The following CACNA2D3 variants were observed in gnomAD, a reference collection of about 807,000 sequenced individuals.
CACNA2D3 encodes calcium voltage-gated channel auxiliary subunit alpha2delta 3.
In CACNA2D3, 60 loss-of-function variants were observed where a neutral mutation model predicts 160.6. The ratio of observed to expected loss-of-function variants is 0.37; its 90% CI spans 0.30 to 0.46. The LOEUF (loss-of-function observed/expected upper bound fraction) is 0.46, where lower values mean the gene tolerates loss of function less well. Ranked by LOEUF, CACNA2D3 falls within the 20% of genes least tolerant of loss-of-function variation. The probability of loss-of-function intolerance (pLI) is 1.00; values close to 1 mark genes in which losing one functional copy is unlikely to be tolerated. For missense variants in CACNA2D3, 1,205 were observed against 1,365.0 expected, an observed-to-expected ratio of 0.88 and a Z score of 1.85; for synonymous variants, 558 against 492.9, an observed-to-expected ratio of 1.13 and a Z score of -1.75.
chr3:54,898,212 C>T (rs1295168874), intron 26 of CACNA2D3, among the ~76,000 whole-genome samples: 1 of 143,354 alleles, frequency 7.0e-6, no homozygotes, highest in Non-Finnish European at 1.5e-5. Context: ...TCTCTCTCTT[C>T]TCCGCCCCAC....
At chr3:54,592,515 T>C (rs546683246) in intron 9 of CACNA2D3, among the ~76,000 whole-genome samples, 43 of 152,244 alleles carry the variant, frequency 2.8e-4, no homozygotes, top group African/African-American at 9.4e-4. Context: ...AGTTCAAATA[T>C]AGAATTTAAA....
intron 4 of CACNA2D3, among the ~76,000 whole-genome samples, chr3:54,500,025 C>G (rs759361116): frequency 6.6e-6 from 1 of 152,182 alleles, no homozygotes; most frequent in Non-Finnish European, 1.5e-5. Flanking sequence ...TCATCTGTTT[C>G]TCCTTGCAGT....
At chr3:54,408,404 G>A (rs998901012) in intron 4 of CACNA2D3, among the ~76,000 whole-genome samples, 2 of 152,080 alleles carry the variant, frequency 1.3e-5, no homozygotes, top group African/African-American at 4.8e-5. Context: ...TAAATGCCAC[G>A]TAATCAAACT....
chr3:54,302,036 G>A (rs925491478), intron 2 of CACNA2D3, among the ~76,000 whole-genome samples: 5 of 152,196 alleles, frequency 3.3e-5, no homozygotes, highest in Non-Finnish European at 5.9e-5. Context: ...CTTGCCTCAC[G>A]TTGTTACTTT....
chr3:54,720,837 C>G (rs533491724), intron 11 of CACNA2D3, among the ~76,000 whole-genome samples: 4 of 152,160 alleles, frequency 2.6e-5, no homozygotes, highest in Admixed American at 1.3e-4. Flanking sequence ...ATTATTACAT[C>G]TAAATACATA....
intron 2 of CACNA2D3, among the ~76,000 whole-genome samples, chr3:54,222,809 CTG>C (rs1701600664): frequency 6.6e-6 from 1 of 152,080 alleles, no homozygotes; most frequent in African/African-American, 2.4e-5. Flanking sequence ...TTCTGAGTCT[CTG>C]TTTGTGTTTT....
intron 2 of CACNA2D3, among the ~76,000 whole-genome samples, chr3:54,272,585 C>A (rs1444255458): frequency 6.6e-6 from 1 of 152,036 alleles, no homozygotes; most frequent in Non-Finnish European, 1.5e-5. Context: ...GTGATGAGGA[C>A]TCAGGGCTCC....
Position 54,764,341 on chromosome 3 carries a change from T to C in CACNA2D3, c.1370T>C (p.Ile457Thr), listed in dbSNP as rs376801291. The change falls in exon 13 of 38, where the codon ATT (isoleucine) becomes ACT (threonine). Residue 457 changes from isoleucine (I) to threonine (T), a missense_variant. Around this residue, in one of 3 missense-constraint regions of CACNA2D3, gnomAD observed 911 missense variants for 1,002.2 expected, o/e 0.91. Coordinates refer to ENST00000474759, the MANE Select transcript of CACNA2D3 (RefSeq NM_018398.3). Reference protein sequence around the residue: ...EHDVVWTEAYIDSTLPQAQKL... With the variant: ...EHDVVWTEAYTDSTLPQAQKL... ...GATGTGGTGTGGACCGAAGCTTACA[T>C]TGACAGCACTGTGAGTCCACGGGGC... 15 of 1,613,720 alleles carry C rather than the reference T, an allele frequency of 9.3e-6. No homozygotes were observed. Among genetic ancestry groups the C allele is most frequent in the African/African-American group, 6.7e-5 (5 of 74,920 alleles).
chr3:54,716,000 GTTAA>G (rs1024389829), intron 11 of CACNA2D3, among the ~76,000 whole-genome samples: 9 of 152,058 alleles, frequency 5.9e-5, no homozygotes, highest in South Asian at 2.1e-4. Context: ...CGATAGATGT[GTTAA>G]TTAATTTGAT....
chr3:54,566,518 A>G (rs78080745), intron 6 of CACNA2D3, among the ~76,000 whole-genome samples: 1,787 of 152,256 alleles, frequency 0.012, 39 homozygotes, highest in African/African-American at 0.041. Context: ...GTTCTGGCCA[A>G]TTCTTAGCTT....
intron 11 of CACNA2D3, among the ~76,000 whole-genome samples, chr3:54,706,202 G>A (rs1700855143): frequency 6.6e-6 from 1 of 152,210 alleles, no homozygotes; most frequent in Non-Finnish European, 1.5e-5. Flanking sequence ...AACATAAGGA[G>A]ATACCTTCTT....
At chr3:54,788,460 T>C (rs1051935800) in intron 13 of CACNA2D3, among the ~76,000 whole-genome samples, 1 of 152,316 alleles carries the variant, frequency 6.6e-6, no homozygotes, top group Admixed American at 6.5e-5. Flanking sequence ...ATTACCTTCC[T>C]CTTAGTATCC....
chr3:54,805,796 A>G (rs1703106793), intron 13 of CACNA2D3, among the ~76,000 whole-genome samples: 1 of 152,230 alleles, frequency 6.6e-6, no homozygotes, highest in Admixed American at 6.5e-5. Flanking sequence ...TGATGCAAAT[A>G]TCCTCAATCA....
intron 10 of CACNA2D3, among the ~76,000 whole-genome samples, chr3:54,630,968 G>A (rs1477552269): frequency 3.3e-5 from 5 of 152,140 alleles, no homozygotes. Flanking sequence ...TTGGGAGGGC[G>A]AGGTGGGCGG....
intron 11 of CACNA2D3, among the ~76,000 whole-genome samples, chr3:54,689,964 C>G (rs1003073607): frequency 1.3e-5 from 2 of 152,142 alleles, no homozygotes; most frequent in African/African-American, 4.8e-5. Context: ...TCTTTCCTTT[C>G]ATTCATGTGT....
At chr3:54,775,876 A>G (rs976582829) in intron 13 of CACNA2D3, among the ~76,000 whole-genome samples, 1 of 152,144 alleles carries the variant, frequency 6.6e-6, no homozygotes, top group Non-Finnish European at 1.5e-5. Context: ...ATCAAGGAGC[A>G]AGAAGCCACC....
chr3:54,199,524 C>T (rs1317584087), intron 2 of CACNA2D3, among the ~76,000 whole-genome samples: 1 of 152,008 alleles, frequency 6.6e-6, no homozygotes, highest in Non-Finnish European at 1.5e-5. Flanking sequence ...TCCCCTCCGC[C>T]TCCCGCCACT....
At chr3:54,859,173 A>G (rs2106796705) in intron 17 of CACNA2D3, among the ~76,000 whole-genome samples, 1 of 152,350 alleles carries the variant, frequency 6.6e-6, no homozygotes, top group Non-Finnish European at 1.5e-5. Context: ...AAACCTCCAA[A>G]TAATTATAAG....
At chr3:54,365,277 A>G (rs1037322427) in intron 3 of CACNA2D3, among the ~76,000 whole-genome samples, 4 of 152,224 alleles carry the variant, frequency 2.6e-5, no homozygotes, top group Admixed American at 2.0e-4. Flanking sequence ...TGTGGCCTAG[A>G]CAAACAAGTT....
Sources: allele counts gnomAD v4.1 joint callset (sites outside exome capture counted in the v4.1 genomes callset), GRCh38; gene constraint gnomAD v4.1.1; regional missense constraint gnomAD v4.1.1; transcripts MANE v1.5; gene names NCBI Gene and HGNC (gene_info 2026-07-23, HGNC 2026-07-21).